Variants in MCC observed in about 807,000 individuals in gnomAD.
MCC encodes colorectal mutant cancer protein.
Under a neutral mutation model 116.2 loss-of-function variants are expected in MCC, and 90 were observed. That is an observed-to-expected ratio of 0.77 (90% CI 0.65 to 0.92). The LOEUF (loss-of-function observed/expected upper bound fraction) is 0.92, where lower values mean the gene tolerates loss of function less well. Among genes scored for constraint, MCC ranks in the 40% least tolerant of loss-of-function variants. The pLI is 0.00. For synonymous variants in MCC, 578 were observed against 510.5 expected (o/e 1.13, Z -1.78); for missense variants, 1,516 against 1,312.2 (o/e 1.16, Z -2.40).
chr5:113,298,137 A>G (rs1351390450), intron 3 of MCC, among the ~76,000 whole-genome samples: 2 of 152,226 alleles, frequency 1.3e-5, no homozygotes, highest in Admixed American at 1.3e-4. Context: ...GAGGACAGTG[A>G]AAAGAAAAGT....
At chr5:113,419,172 T>C (rs1428695248) in intron 1 of MCC, among the ~76,000 whole-genome samples, 1 of 150,266 alleles carries the variant, frequency 6.7e-6, no homozygotes, top group East Asian at 1.9e-4. Flanking sequence ...TTTCTTTCTT[T>C]TTTTTTTTTT....
chr5:113,125,143 G>A (rs1306782429), intron 5 of MCC, among the ~76,000 whole-genome samples: 2 of 152,182 alleles, frequency 1.3e-5, no homozygotes, highest in African/African-American at 2.4e-5. Context: ...TAGGCAGTGT[G>A]AGCAAAAGGA....
At chr5:113,464,809 T>C (rs1024874153) in intron 1 of MCC, among the ~76,000 whole-genome samples, 3 of 149,944 alleles carry the variant, frequency 2.0e-5, no homozygotes, top group African/African-American at 4.9e-5. Context: ...AAAAAAAGGC[T>C]AAAAAAGCTC....
intron 1 of MCC, among the ~76,000 whole-genome samples, chr5:113,486,181 C>T (rs1442363868): frequency 6.6e-6 from 1 of 152,182 alleles, no homozygotes. Flanking sequence ...GCAATTCTGC[C>T]ACAGCATAAT....
chr5:113,470,127 C>A (rs1580417742), intron 1 of MCC, among the ~76,000 whole-genome samples: 1 of 151,484 alleles, frequency 6.6e-6, no homozygotes, highest in African/African-American at 2.4e-5. Context: ...GGTCTTGACT[C>A]TTTATCCAAT....
At chr5:113,051,700 GGTAACACAGTGAGACCCT>G (rs1379812779) in intron 15 of MCC, among the ~76,000 whole-genome samples, 3 of 151,506 alleles carry the variant, frequency 2.0e-5, no homozygotes, top group African/African-American at 7.3e-5. Flanking sequence ...CTCCAGCCTG[GGTAACACAGTGAGACCCT>G]GTTTCAAAAC....
chr5:113,104,418 C>T, intron 6 of MCC, 63 bp from the exon 7 acceptor site: 2 of 1,451,260 alleles, frequency 1.4e-6, no homozygotes, highest in South Asian at 1.3e-5. Flanking sequence ...TTTTGCTTAC[C>T]ATGAGGGACT....
At chr5:113,027,512 A>G in intron 18 of MCC, 30 bp from the exon 19 acceptor site, 2 of 1,607,124 alleles carry the variant, frequency 1.2e-6, no homozygotes, top group Non-Finnish European at 8.5e-7. Context: ...AATTGGTATT[A>G]AGATTCATCC....
chr5:113,440,064 A>G (rs1770989027), intron 1 of MCC, among the ~76,000 whole-genome samples: 1 of 152,072 alleles, frequency 6.6e-6, no homozygotes, highest in Non-Finnish European at 1.5e-5. Context: ...TGCCTGATCT[A>G]TTAGTGGTCA....
At position 113,442,599 on chromosome 5, in the gene MCC, C is replaced by T. The variant is rs111938455; in HGVS notation, c.170+45646G>A. On this transcript the variant is annotated intron_variant, in intron 1 of 18. Coordinates refer to ENST00000408903, the MANE Select transcript of MCC (RefSeq NM_001085377.2). ...ATGCCTATGTCCTGAATGGTATTGCCTAGGTTTTCTTCTAGGATTTTTATG... is the reference window on the plus strand; with the variant it reads ...ATGCCTATGTCCTGAATGGTATTGCTTAGGTTTTCTTCTAGGATTTTTATG... Among the ~76,000 whole-genome samples, 76 of 152,230 alleles carry T rather than the reference C, an allele frequency of 5.0e-4. 1 individual carries two copies. Among genetic ancestry groups the T allele is most frequent in the African/African-American group, 1.7e-3 (72 of 41,542 alleles).
At chr5:113,331,516 T>G (rs1380938464) in intron 3 of MCC, among the ~76,000 whole-genome samples, 6 of 151,802 alleles carry the variant, frequency 4.0e-5, no homozygotes, top group Non-Finnish European at 8.8e-5. Context: ...TGGGCCTCCA[T>G]ATCCCTGTTT....
chr5:113,282,979 A>C (rs956673095), intron 3 of MCC, among the ~76,000 whole-genome samples: 1 of 152,356 alleles, frequency 6.6e-6, no homozygotes, highest in South Asian at 2.1e-4. Context: ...TGTCACAGAC[A>C]TAATTCTTAA....
At chr5:113,485,853 G>T (rs140309871) in intron 1 of MCC, among the ~76,000 whole-genome samples, 1 of 152,154 alleles carries the variant, frequency 6.6e-6, no homozygotes, top group Admixed American at 6.5e-5. Context: ...TAAATTTAAC[G>T]TCTTTAGATG....
intron 3 of MCC, 44 bp downstream of exon 3, chr5:113,340,475 C>T (rs1240808107): frequency 2.6e-6 from 4 of 1,532,486 alleles, no homozygotes; most frequent in Admixed American, 1.7e-5. Flanking sequence ...TATTGGAATA[C>T]AGACAGGCCG....
intron 1 of MCC, among the ~76,000 whole-genome samples, chr5:113,445,981 C>T (rs1163779149): frequency 6.6e-6 from 1 of 152,016 alleles, no homozygotes; most frequent in African/African-American, 2.4e-5. Flanking sequence ...ACAAAGTTGA[C>T]AAAAATAATC....
At chr5:113,262,003 T>G (rs1239977678) in intron 3 of MCC, among the ~76,000 whole-genome samples, 2 of 152,152 alleles carry the variant, frequency 1.3e-5, no homozygotes, top group Admixed American at 1.3e-4. Flanking sequence ...CTCTGATAAT[T>G]AAAAATTGGA....
intron 3 of MCC, among the ~76,000 whole-genome samples, chr5:113,245,759 T>C (rs578155493): frequency 9.5e-4 from 145 of 152,226 alleles, no homozygotes; most frequent in African/African-American, 3.3e-3. Flanking sequence ...TCCCCACAAA[T>C]GATGGAAAAT....
chr5:113,387,740 T>C (rs1017167711), intron 1 of MCC, among the ~76,000 whole-genome samples: 1 of 152,224 alleles, frequency 6.6e-6, no homozygotes, highest in African/African-American at 2.4e-5. Flanking sequence ...GGGATAGTAG[T>C]AGTACCTACC....
intron 9 of MCC, among the ~76,000 whole-genome samples, chr5:113,084,787 G>A (rs1755091044): frequency 6.6e-6 from 1 of 152,188 alleles, no homozygotes; most frequent in Admixed American, 6.5e-5. Context: ...AGTCTTGTGA[G>A]TGGGGAGATC....
Sources: gnomAD v4.1 joint callset for allele counts (sites outside exome capture counted in the v4.1 genomes callset) on GRCh38, gnomAD v4.1.1 for gene constraint, MANE v1.5 for transcripts, NCBI Gene and HGNC (gene_info 2026-07-23, HGNC 2026-07-21) for gene names.